NRG1: variants seen among roughly 807,000 people sequenced by gnomAD.
NRG1 encodes pro-neuregulin-1, membrane-bound isoform.
In NRG1, 18 loss-of-function variants were observed where a neutral mutation model predicts 63.8. That is an observed-to-expected ratio of 0.28 (90% confidence interval 0.19 to 0.42). The LOEUF is 0.42. Among genes scored for constraint, NRG1 ranks in the 10% least tolerant of loss-of-function variants. NRG1 has a pLI of 1.00. For synonymous variants in NRG1, 302 were observed against 301.3 expected (o/e 1.00, Z -0.02); for missense variants, 762 against 814.7 (o/e 0.94, Z 0.79).
intron 5 of NRG1, among the ~76,000 whole-genome samples, chr8:32,650,639 A>G (rs1418770642): frequency 7.7e-6 from 1 of 130,624 alleles, no homozygotes; most frequent in Non-Finnish European, 1.6e-5. Context: ...GGTTGTAACC[A>G]CTAATTAATG....
At chr8:31,825,856 C>T (rs1824499952) in intron 1 of NRG1, among the ~76,000 whole-genome samples, 1 of 152,182 alleles carries the variant, frequency 6.6e-6, no homozygotes, top group African/African-American at 2.4e-5. Flanking sequence ...ATTTATTCAA[C>T]AAACATTTAC....
chr8:32,371,456 A>G (rs925883744), intron 1 of NRG1, among the ~76,000 whole-genome samples: 1 of 152,198 alleles, frequency 6.6e-6, no homozygotes. Flanking sequence ...ATCAGAGAAC[A>G]CTATTTGCCT....
chr8:32,328,384 A>G (rs1416920710), intron 1 of NRG1, among the ~76,000 whole-genome samples: 2 of 152,132 alleles, frequency 1.3e-5, no homozygotes, highest in Admixed American at 1.3e-4. Flanking sequence ...AAAAAGAATA[A>G]TAGTATAAAA....
At chr8:31,756,120 C>A (rs1470548579) in intron 1 of NRG1, among the ~76,000 whole-genome samples, 3 of 152,086 alleles carry the variant, frequency 2.0e-5, no homozygotes, top group African/African-American at 4.8e-5. Context: ...ATCCTCCCTC[C>A]CCTATGTAGG....
At chr8:31,708,292 C>G (rs1326841287) in intron 1 of NRG1, among the ~76,000 whole-genome samples, 1 of 152,090 alleles carries the variant, frequency 6.6e-6, no homozygotes, top group Non-Finnish European at 1.5e-5. Flanking sequence ...GTGATGGCAA[C>G]CCAGCCTCAA....
At chr8:32,665,294 G>A (rs947429233) in intron 5 of NRG1, among the ~76,000 whole-genome samples, 1 of 152,056 alleles carries the variant, frequency 6.6e-6, no homozygotes, top group Non-Finnish European at 1.5e-5. Flanking sequence ...TTATATTAGT[G>A]CTGCTACATG....
intron 1 of NRG1, among the ~76,000 whole-genome samples, chr8:31,864,982 G>C (rs897951726): frequency 2.6e-5 from 4 of 152,110 alleles, no homozygotes; most frequent in African/African-American, 9.7e-5. Flanking sequence ...TATCAAAGAA[G>C]GCCTTTATTT....
chr8:31,642,866 G>C (rs763243616), intron 1 of NRG1, among the ~76,000 whole-genome samples: 3 of 152,102 alleles, frequency 2.0e-5, no homozygotes, highest in African/African-American at 7.2e-5. Context: ...GTTTCTCCTC[G>C]CATTTTTACA....
intron 11 of NRG1, chr8:32,763,280 A>G (rs748647671): frequency 1.2e-6 from 2 of 1,613,906 alleles, no homozygotes; most frequent in Non-Finnish European, 1.7e-6. Context: ...ATGCAGATCC[A>G]GCTATCAGCA....
intron 1 of NRG1, among the ~76,000 whole-genome samples, chr8:32,530,461 G>A (rs982649749): frequency 6.6e-6 from 1 of 152,174 alleles, no homozygotes; most frequent in Non-Finnish European, 1.5e-5. Context: ...ACGGTTTAGA[G>A]TATGGAAATG....
At position 32,116,076 on chromosome 8, in the gene NRG1, C is replaced by T. The variant is rs573558545; in HGVS notation, c.37+476645C>T. 3.3e-5 allele frequency among the ~76,000 whole-genome samples: 5 copies of T among 152,218 alleles called. No individual in the cohort carries two copies. The South Asian group carries it at 1.0e-3, about 32-fold the overall frequency. ...TGAGAAAGATGATATTAATGTATTC[C>T]GTTGTCCTAAATATTTCAAACACGT... On this transcript the variant is annotated intron_variant, in intron 1 of 10. Transcript: ENST00000519301.
chr8:31,977,600 A>G (rs1808399319), intron 1 of NRG1, among the ~76,000 whole-genome samples: 1 of 152,136 alleles, frequency 6.6e-6, no homozygotes, highest in African/African-American at 2.4e-5. Flanking sequence ...TGGACATCCA[A>G]TATACAAGCA....
chr8:31,717,019 C>CT, intron 1 of NRG1, among the ~76,000 whole-genome samples: 1 of 152,314 alleles, frequency 6.6e-6, no homozygotes, highest in East Asian at 1.9e-4. Flanking sequence ...TCACAACCAA[C>CT]TTTTTCCTCT....
At chr8:31,670,558 T>A (rs1160174771) in intron 1 of NRG1, among the ~76,000 whole-genome samples, 1 of 150,830 alleles carries the variant, frequency 6.6e-6, no homozygotes, top group Non-Finnish European at 1.5e-5. Flanking sequence ...AGCTGAGAAT[T>A]GTCATTCTCT....
intron 1 of NRG1, among the ~76,000 whole-genome samples, chr8:31,846,613 G>A (rs1432447671): frequency 1.3e-5 from 2 of 152,134 alleles, no homozygotes; most frequent in African/African-American, 4.8e-5. Context: ...GAAAAATCTT[G>A]TTTGCAAATA....
At chr8:32,743,568 C>T (rs1276964237) in intron 7 of NRG1, among the ~76,000 whole-genome samples, 3 of 21,188 alleles carry the variant, frequency 1.4e-4, no homozygotes, top group African/African-American at 2.1e-4. Flanking sequence ...AAACTTAAGG[C>T]AAAACATATA....
intron 1 of NRG1, among the ~76,000 whole-genome samples, chr8:32,010,246 C>A (rs1156811623): frequency 6.6e-6 from 1 of 151,966 alleles, no homozygotes; most frequent in East Asian, 1.9e-4. Flanking sequence ...CTCATAGGGT[C>A]CAACATGCAG....
intron 1 of NRG1, among the ~76,000 whole-genome samples, chr8:32,156,674 G>C (rs531307936): frequency 2.7e-4 from 41 of 152,374 alleles, no homozygotes; most frequent in African/African-American, 9.6e-4. Context: ...AAGCTGGCAA[G>C]CACTGATGTG....
chr8:31,723,061 G>T (rs1042184515), intron 1 of NRG1, among the ~76,000 whole-genome samples: 25 of 152,004 alleles, frequency 1.6e-4, no homozygotes, highest in African/African-American at 5.6e-4. Flanking sequence ...TATACATTTT[G>T]GTCTTGAGGC....
Sources: gnomAD v4.1 joint callset for allele counts (sites outside exome capture counted in the v4.1 genomes callset) on GRCh38, gnomAD v4.1.1 for gene constraint, MANE v1.5 for transcripts, NCBI Gene and HGNC (gene_info 2026-07-23, HGNC 2026-07-21) for gene names.